The following RBFOX3 variants were observed in gnomAD, a reference collection of about 807,000 sequenced individuals.
The protein encoded by RBFOX3 is RNA binding fox-1 homolog 3, also known as RNA binding protein fox-1 homolog 3.
A neutral mutation model predicts 48.7 loss-of-function variants in RBFOX3; 17 were observed. The observed-to-expected ratio is 0.35, with a 90% CI of 0.24 to 0.52. The LOEUF is 0.52. Ranked by LOEUF, RBFOX3 falls within the 20% of genes least tolerant of loss-of-function variation. The pLI is 0.94. For missense variants in RBFOX3, 382 were observed against 497.5 expected (o/e 0.77, Z 2.21); for synonymous variants, 212 against 209.5 (o/e 1.01, Z -0.10).
chr17:79,210,314 A>G (rs1567846962), intron 4 of RBFOX3, among the ~76,000 whole-genome samples: 2 of 152,160 alleles, frequency 1.3e-5, no homozygotes, highest in South Asian at 4.1e-4. Flanking sequence ...CACCGTCTTC[A>G]TTTCTCTCTG....
chr17:79,315,216 C>T (rs901723399), intron 2 of RBFOX3, among the ~76,000 whole-genome samples: 1 of 152,178 alleles, frequency 6.6e-6, no homozygotes, highest in Non-Finnish European at 1.5e-5. Context: ...CGGAGGGAGC[C>T]ACTTCCCAAG....
chr17:79,296,660 C>T (rs181620203), intron 3 of RBFOX3, among the ~76,000 whole-genome samples: 164 of 151,996 alleles, frequency 1.1e-3, no homozygotes, highest in Admixed American at 4.1e-3. Flanking sequence ...CTCCCATCTC[C>T]CTCCTCTTCC....
chr17:79,155,275 A>T (rs2045527519), intron 4 of RBFOX3, among the ~76,000 whole-genome samples: 1 of 152,188 alleles, frequency 6.6e-6, no homozygotes, highest in African/African-American at 2.4e-5. Flanking sequence ...CACACCCCCA[A>T]GCCTTGACAG....
intron 1 of RBFOX3, among the ~76,000 whole-genome samples, chr17:79,526,558 C>A (rs2086827764): frequency 6.6e-6 from 1 of 152,204 alleles, no homozygotes; most frequent in Admixed American, 6.5e-5. Flanking sequence ...TAGGAAGTAT[C>A]CTGATCGGTA....
chr17:79,324,525 C>A (rs1819832667), intron 2 of RBFOX3, among the ~76,000 whole-genome samples: 2 of 152,198 alleles, frequency 1.3e-5, no homozygotes, highest in Admixed American at 1.3e-4. Context: ...CTTATCCTCA[C>A]ATCCTGGCAG....
At chr17:79,605,501 C>A (rs886790591) in intron 1 of RBFOX3, among the ~76,000 whole-genome samples, 112,447 of 151,868 alleles carry the variant, frequency 0.74, 45,607 homozygotes, top group Non-Finnish European at 0.93. Flanking sequence ...CAGCCAGCCA[C>A]GCAGAGACCT....
intron 2 of RBFOX3, among the ~76,000 whole-genome samples, chr17:79,339,212 A>C (rs186914253): frequency 1.3e-5 from 2 of 151,716 alleles, no homozygotes; most frequent in East Asian, 3.9e-4. Flanking sequence ...GCACCACCAC[A>C]CTCGGATAAT....
intron 1 of RBFOX3, among the ~76,000 whole-genome samples, chr17:79,609,419 G>A (rs2093917885): frequency 6.6e-6 from 1 of 152,172 alleles, no homozygotes; most frequent in East Asian, 1.9e-4. Context: ...GGCAGGAAGG[G>A]GGACTTAAAC....
intron 4 of RBFOX3, among the ~76,000 whole-genome samples, chr17:79,177,726 T>C (rs1396110889): frequency 6.6e-6 from 1 of 152,010 alleles, no homozygotes; most frequent in East Asian, 1.9e-4. Flanking sequence ...TCGGGGAGAT[T>C]TTACTAGTAG....
At chr17:79,142,196 C>T (rs548620497) in intron 4 of RBFOX3, among the ~76,000 whole-genome samples, 117 of 152,154 alleles carry the variant, frequency 7.7e-4, no homozygotes, top group Non-Finnish European at 7.8e-4. Flanking sequence ...TTTCATTTCA[C>T]AAAACTCCCT....
At chr17:79,510,546 A>G (rs1331055282) in intron 1 of RBFOX3, among the ~76,000 whole-genome samples, 1 of 152,180 alleles carries the variant, frequency 6.6e-6, no homozygotes, top group Admixed American at 6.5e-5. Context: ...GCATCCATTA[A>G]CATTCCCCGT....
At chr17:79,620,591 A>ACACG in the RBFOX3 span, among the ~76,000 whole-genome samples, 825 of 141,316 alleles carry the variant, frequency 5.8e-3, 16 homozygotes, top group East Asian at 0.023. Context: ...GCACGCACAC[A>ACACG]CACGCACGCA....
chr17:79,167,570 T>C (rs1275777300), intron 4 of RBFOX3, among the ~76,000 whole-genome samples: 1 of 152,198 alleles, frequency 6.6e-6, no homozygotes, highest in African/African-American at 2.4e-5. Flanking sequence ...AATTTACAGA[T>C]GAGGGCACTC....
intron 2 of RBFOX3, among the ~76,000 whole-genome samples, chr17:79,461,829 C>G (rs529866572): frequency 1.3e-5 from 2 of 152,284 alleles, no homozygotes; most frequent in African/African-American, 4.8e-5. Context: ...CCATGTGACA[C>G]AGAGGTAGAG....
In RBFOX3 at chr17:79,479,483, C is replaced by G. The variant is rs1010181943; in HGVS notation, c.-175+2971G>C. Among the ~76,000 whole-genome samples the G allele has an allele frequency of 8.5e-5, 13 of 152,324 alleles. No individual in the cohort carries two copies. The highest frequency in any genetic ancestry group is 2.1e-4 in the South Asian group (1 of 4,822). Reference sequence around the variant, plus strand: ...TCTCAGAGGGGCTTCCTTCTCTCCCCTTGACCTCACCCTTTTAGAAAAGGA... The same window carrying G: ...TCTCAGAGGGGCTTCCTTCTCTCCCGTTGACCTCACCCTTTTAGAAAAGGA... On this transcript the variant is annotated intron_variant, in intron 2 of 14. Coordinates refer to ENST00000693108, the MANE Select transcript of RBFOX3 (RefSeq NM_001350451.2). The surrounding 1 kb of genome is among the most constrained non-coding windows in gnomAD (Gnocchi z 5.1).
intron 4 of RBFOX3, among the ~76,000 whole-genome samples, chr17:79,197,390 T>TTC (rs1002161617): frequency 1.6e-3 from 11 of 6,934 alleles, no homozygotes; most frequent in Admixed American, 2.0e-3. Flanking sequence ...CTTTCTTTCT[T>TTC]TTTTTTTTTT....
intron 1 of RBFOX3, among the ~76,000 whole-genome samples, chr17:79,573,090 C>T (rs1330799560): frequency 1.3e-5 from 2 of 152,236 alleles, no homozygotes; most frequent in East Asian, 3.8e-4. Context: ...CGGCACCTGA[C>T]ACCTTTCCTG....
chr17:79,145,400 C>T (rs529622039), intron 4 of RBFOX3, among the ~76,000 whole-genome samples: 98 of 152,334 alleles, frequency 6.4e-4, no homozygotes, highest in African/African-American at 2.3e-3. Context: ...TGCCTGGGTG[C>T]CCTCCCTGGA....
intron 2 of RBFOX3, among the ~76,000 whole-genome samples, chr17:79,360,835 T>C (rs1359606028): frequency 6.6e-6 from 1 of 152,026 alleles, no homozygotes; most frequent in Non-Finnish European, 1.5e-5. Flanking sequence ...CCTTTTTTTT[T>C]TTTTTTTAAG....
Sources: gnomAD v4.1 joint callset for allele counts (sites outside exome capture counted in the v4.1 genomes callset) on GRCh38, gnomAD v4.1.1 for gene constraint, Gnocchi (gnomAD v3.1) non-coding constraint, MANE v1.5 for transcripts, NCBI Gene and HGNC (gene_info 2026-07-23, HGNC 2026-07-21) for gene names.